The following GALC variants were observed in gnomAD, a reference collection of about 807,000 sequenced individuals.
GALC encodes galactosylceramidase, also known as galactocerebrosidase.
Under a neutral mutation model 91.8 loss-of-function variants are expected in GALC, and 77 were observed. The ratio of observed to expected loss-of-function variants is 0.84; its 90% confidence interval spans 0.70 to 1.01. The LOEUF (loss-of-function observed/expected upper bound fraction) is 1.01. Ranked by LOEUF, GALC falls within the 50% of genes least tolerant of loss-of-function variation. The probability of loss-of-function intolerance (pLI) is 0.00; values close to 1 mark genes in which losing one functional copy is unlikely to be tolerated. For missense variants in GALC, 882 were observed against 855.9 expected (o/e 1.03, Z -0.38); for synonymous variants, 357 against 306.7 (o/e 1.16, Z -1.71).
intron 10 of GALC, among the ~76,000 whole-genome samples, chr14:87,955,678 C>T (rs1354767394): frequency 2.6e-5 from 4 of 151,948 alleles, no homozygotes; most frequent in African/African-American, 9.7e-5. Context: ...TCAAGACAAG[C>T]GTGTCTTTCT....
At chr14:87,970,544 G>A (rs541025090) in intron 7 of GALC, among the ~76,000 whole-genome samples, 1 of 152,018 alleles carries the variant, frequency 6.6e-6, no homozygotes, top group African/African-American at 2.4e-5. Flanking sequence ...ACTAAAATCT[G>A]GGTCTTTCTT....
chr14:87,938,199 A>C (rs1393766349), intron 16 of GALC, among the ~76,000 whole-genome samples: 2 of 151,982 alleles, frequency 1.3e-5, no homozygotes, highest in African/African-American at 4.8e-5. Context: ...AGGAATATGG[A>C]GAAAAGCCTG....
At position 87,968,491 on chromosome 14, in the gene GALC, C is replaced by T; in HGVS notation, c.753-1G>A. 1.2e-6 allele frequency: 2 copies of T among 1,612,590 alleles called. No homozygotes were observed. The highest frequency in any genetic ancestry group is 8.5e-7 in the Non-Finnish European group (1 of 1,179,476). On this transcript the variant is annotated splice_acceptor_variant, in intron 7 of 16. Transcript: ENST00000261304. LOFTEE classifies it high-confidence loss of function. ...TGAATGGGTTCCAGGATAATGAGCC[C>T]TAGAAAAAAAAAGGGTGGAAGTCAA...
At chr14:87,960,627 A>T (rs1177311672) in intron 10 of GALC, among the ~76,000 whole-genome samples, 1 of 152,208 alleles carries the variant, frequency 6.6e-6, no homozygotes, top group Admixed American at 6.5e-5. Context: ...GTCAGGACAG[A>T]TATATAAGTC....
chr14:87,989,922 C>T (rs1887128643), intron 1 of GALC, among the ~76,000 whole-genome samples: 1 of 152,190 alleles, frequency 6.6e-6, no homozygotes, highest in African/African-American at 2.4e-5. Flanking sequence ...TCCCTTATCA[C>T]TCTCACACCT....
chr14:87,970,046 C>G lies in GALC; in HGVS notation c.753-1556G>C, dbSNP rs80319205. 6.8e-3 allele frequency among the ~76,000 whole-genome samples: 1,041 copies of G among 152,228 alleles called. 18 individuals carry two copies. Among genetic ancestry groups the G allele is most frequent in the East Asian group, 0.068 (351 of 5,176 alleles). The stretch of plus-strand genomic sequence containing the variant: ...AGCAATCATTGTTCTGGAACTATAA[C>G]GCCCAACCTGAAAAATCTGGCTACT... On this transcript the variant is annotated intron_variant, in intron 7 of 16. Transcript: ENST00000261304.
rs564249497 is a variant in GALC at position 87,953,480 on chromosome 14, A to T, written c.1162-2732T>A. 189 of 1,587,586 alleles carry T rather than the reference A, an allele frequency of 1.2e-4. 1 individual carries two copies. The highest frequency in any genetic ancestry group is 1.4e-5 in the Non-Finnish European group (16 of 1,159,766). On this transcript the variant is annotated intron_variant, in intron 10 of 16. Transcript: ENST00000261304. ...AATAGCCACATTCACATAAACTCTGACAAAGGTCCTGAAGAAAATACAGGA... is the reference window on the plus strand; with the variant it reads ...AATAGCCACATTCACATAAACTCTGTCAAAGGTCCTGAAGAAAATACAGGA...
At chr14:87,943,390 G>A (rs2285009) in intron 14 of GALC, among the ~76,000 whole-genome samples, 69,879 of 151,904 alleles carry the variant, frequency 0.46, 17,756 homozygotes, top group East Asian at 0.75. Context: ...AAGAGAGGAA[G>A]TTCTACTCAA....
In GALC at chr14:87,960,352, G is replaced by T. The variant is rs1885750781; in HGVS notation, c.1161+3032C>A. On this transcript the variant is annotated intron_variant, in intron 10 of 16. Coordinates refer to ENST00000261304, the MANE Select transcript of GALC (RefSeq NM_000153.4). ...GTTCTGGTGTTTTCTTGCACACTAG[G>T]GTGAAGACGGTTAACAGTAAGGTTT... Among the ~76,000 whole-genome samples, 3 of 152,134 alleles carry T rather than the reference G, an allele frequency of 2.0e-5. No homozygotes were observed. The South Asian group carries it at 6.2e-4, about 32-fold the overall frequency.
At chr14:87,943,303 A>G (rs1595191740) in intron 14 of GALC, among the ~76,000 whole-genome samples, 1 of 152,002 alleles carries the variant, frequency 6.6e-6, no homozygotes, top group African/African-American at 2.4e-5. Flanking sequence ...CACTATCAAG[A>G]TAGAAGTAGC....
intron 4 of GALC, among the ~76,000 whole-genome samples, chr14:87,986,124 G>A (rs1419706926): frequency 1.3e-5 from 2 of 152,166 alleles, no homozygotes; most frequent in African/African-American, 4.8e-5. Flanking sequence ...ACTGATGACA[G>A]ATCTTGTGAA....
At chr14:87,938,945 GAC>G (rs1392954586) in intron 16 of GALC, among the ~76,000 whole-genome samples, 1 of 151,614 alleles carries the variant, frequency 6.6e-6, no homozygotes, top group African/African-American at 2.4e-5. Flanking sequence ...GCCAGAAAAA[GAC>G]AACATGATAG....
chr14:87,984,563 G>A lies in GALC; in HGVS notation c.443-30C>T, dbSNP rs886038262. On this transcript the variant is annotated intron_variant, in intron 4 of 16. Coordinates refer to ENST00000261304, the MANE Select transcript of GALC (RefSeq NM_000153.4). Reference sequence around the variant, plus strand: ...AGAGAGAAGGGAGGAGGCAAAGGTAGAGGAGGTATAACGGTGCTGGCGCTA... The same window carrying A: ...AGAGAGAAGGGAGGAGGCAAAGGTAAAGGAGGTATAACGGTGCTGGCGCTA... The A allele has an allele frequency of 9.3e-6, 15 of 1,613,734 alleles. No homozygotes were observed. The highest frequency in any genetic ancestry group is 3.3e-4 in the Middle Eastern group (2 of 6,060).
chr14:87,992,328 C>T, intron 1 of GALC: 4 of 1,535,736 alleles, frequency 2.6e-6, no homozygotes, highest in Non-Finnish European at 3.5e-6. Context: ...CCATGAAGCC[C>T]ATGGGCCCAG....
chr14:87,951,519 T>C (rs1264026509), intron 10 of GALC, among the ~76,000 whole-genome samples: 1 of 151,908 alleles, frequency 6.6e-6, no homozygotes, highest in East Asian at 1.9e-4. Flanking sequence ...TGCCTCCATC[T>C]AGCAACAGCA....
At chr14:87,979,992 C>A (rs1436587952) in intron 6 of GALC, among the ~76,000 whole-genome samples, 1 of 152,142 alleles carries the variant, frequency 6.6e-6, no homozygotes, top group Non-Finnish European at 1.5e-5. Context: ...CATCAGCATA[C>A]TTCAACCTGG....
Position 87,949,851 on chromosome 14 carries a change from A to G in GALC, c.1332T>C (p.Ser444=), listed in dbSNP as rs1595198074. The part of the protein sequence containing the change: ...SERFLFKQLD[S]LWLLDSDGSF... ...GAATTTACTTTAAAATTACCCATAG[A>G]GAATCCAGCTGCTTAAAAAGAAATC... Residue 444 remains serine (S), a synonymous_variant, in exon 12 of 17, where the codon TCT becomes TCC. Transcript: ENST00000261304. 2 of 1,549,886 alleles carry G rather than the reference A, an allele frequency of 1.3e-6. No homozygotes were observed. Among genetic ancestry groups the G allele is most frequent in the Admixed American group, 1.7e-5 (1 of 59,786 alleles).
intron 10 of GALC, chr14:87,953,389 T>A: frequency 7.0e-7 from 1 of 1,435,694 alleles, no homozygotes; most frequent in Non-Finnish European, 9.8e-7. Context: ...TACAGAAGCA[T>A]ATGAAAGTGG....
intron 10 of GALC, among the ~76,000 whole-genome samples, chr14:87,951,662 A>G (rs1397552251): frequency 2.6e-5 from 4 of 151,972 alleles, no homozygotes; most frequent in Non-Finnish European, 4.4e-5. Context: ...TATAGAATTA[A>G]ATCAGAAATG....
Sources: gnomAD v4.1 joint callset for allele counts (sites outside exome capture counted in the v4.1 genomes callset) on GRCh38, gnomAD v4.1.1 for gene constraint, MANE v1.5 for transcripts, NCBI Gene and HGNC (gene_info 2026-07-23, HGNC 2026-07-21) for gene names.